The following CD14 variants were observed in gnomAD, a reference collection of about 807,000 sequenced individuals.
CD14 encodes the protein CD14 molecule, also known as monocyte differentiation antigen CD14.
In CD14, 4 loss-of-function variants were observed where a neutral mutation model predicts 2.5. The ratio of observed to expected loss-of-function variants is 1.63; its 90% CI spans 0.80 to 3.72. The LOEUF (loss-of-function observed/expected upper bound fraction) is 3.72, where lower values mean the gene tolerates loss of function less well. Among genes scored for constraint, CD14 ranks in the 30% most tolerant of loss-of-function variants. The probability of loss-of-function intolerance (pLI) is 0.01; values close to 1 mark genes in which losing one functional copy is unlikely to be tolerated. For synonymous variants in CD14, 236 were observed against 235.1 expected (o/e 1.00, Z -0.04); for missense variants, 478 against 497.8 (o/e 0.96, Z 0.38).
Position 140,632,743 on chromosome 5 carries a change from G to GC in CD14, c.240dup (p.Gln81AlafsTer4). The GC allele has an allele frequency of 6.2e-7, 1 of 1,613,434 alleles. No homozygotes were observed. The highest frequency in any genetic ancestry group is 8.5e-7 in the Non-Finnish European group (1 of 1,179,980). ...AGAGCCTTGACCGTGTCAGCATACT[G>GC]CCGCGGGTCGGCGTCCGCATCGACG... On this transcript the variant is annotated frameshift_variant, in exon 2 of 2. Coordinates refer to ENST00000302014, the MANE Select transcript of CD14 (RefSeq NM_000591.4). LOFTEE classifies it low-confidence loss of function (END_TRUNC). This position sits in a 1 kb window ranked among gnomAD's most constrained non-coding sequence, Gnocchi z 6.2.
rs369368058 is a variant in CD14 at position 140,632,036 on chromosome 5, G to C, written c.948C>G (p.Asp316Glu). 65 of 1,614,064 alleles carry C rather than the reference G, an allele frequency of 4.0e-5. No individual in the cohort carries two copies. Among genetic ancestry groups the C allele is most frequent in the Non-Finnish European group, 5.3e-5 (63 of 1,180,028 alleles). The part of the protein sequence containing the change: ...CNRLNRAPQP[D>E]ELPEVDNLTL... ...TCAGGTTATCCACCTCGGGCAGCTC[G>C]TCAGGCTGCGGCGCCCTGTTCAGTC... The change falls in exon 2 of 2, where the codon GAC becomes GAG. Residue 316 changes from aspartate (D) to glutamate (E), a missense_variant. Asp to Glu is a conservative substitution (Grantham distance 45). Transcript: ENST00000302014. The surrounding 1 kb of genome is among the most constrained non-coding windows in gnomAD (Gnocchi z 6.2).
In CD14 at chr5:140,631,943, G is replaced by C. The variant is rs769997721; in HGVS notation, c.1041C>G (p.Gly347=). Residue 347 remains glycine, a synonymous_variant, in exon 2 of 2, where the codon GGC becomes GGG. Transcript: ENST00000302014. ...TCGAACGTGCACAGGCTGGGACCACGCCGGAGTTCATTGAGCCCTCGTGGG... is the reference window on the plus strand; with the variant it reads ...TCGAACGTGCACAGGCTGGGACCACCCCGGAGTTCATTGAGCCCTCGTGGG... ...ALPHEGSMNS[G]VVPACARSTL... The C allele has an allele frequency of 6.2e-7, 1 of 1,612,954 alleles. No homozygotes were observed. Among genetic ancestry groups the C allele is most frequent in the Non-Finnish European group, 8.5e-7 (1 of 1,179,100 alleles).
chr5:140,633,514 C>T (rs1314258554), upstream of CD14: 12 of 247,190 alleles, frequency 4.9e-5, no homozygotes, highest in East Asian at 1.8e-4. Context: ...CACTATCCAA[C>T]CCCCCAATCC....
At position 140,633,061 on chromosome 5, in the gene CD14, A is replaced by T; in HGVS notation, c.3+8T>A. 1 of 1,614,030 alleles carries T rather than the reference A, an allele frequency of 6.2e-7. No homozygotes were observed. Among genetic ancestry groups the T allele is most frequent in the South Asian group, 1.1e-5 (1 of 91,066 alleles). ...GGCACGCGTTCGACCCCAAGACCCT[A>T]CACTCACCATGGTCGATAAGTCTTC... On this transcript the variant is annotated splice_region_variant and intron_variant, in intron 1 of 1. Transcript: ENST00000302014.
In CD14 at chr5:140,633,173, T is replaced by G. The variant is rs963126883; in HGVS notation, c.-102A>C. 3.4e-6 allele frequency: 5 copies of G among 1,463,610 alleles called. No individual in the cohort carries two copies. The highest frequency in any genetic ancestry group is 4.7e-6 in the Non-Finnish European group (5 of 1,059,680). 90.7% of individuals were successfully genotyped at this position (1,463,610 alleles called of 1,614,324 possible). On this transcript the variant is annotated 5_prime_UTR_variant, in exon 1 of 2. Transcript: ENST00000302014. The stretch of plus-strand genomic sequence containing the variant: ...CCCGCCGGCTTCCAGGCTTCACACT[T>G]GTGAACTCTTCGGCTGCCTCTGACA...
rs1756585011 is a variant in CD14 at position 140,631,891 on chromosome 5, G to C, written c.1093C>G (p.Leu365Val). 6.3e-7 allele frequency: 1 copy of C among 1,588,240 alleles called. No individual in the cohort carries two copies. The highest frequency in any genetic ancestry group is 1.7e-4 in the Middle Eastern group (1 of 5,936). Residue 365 changes from leucine to valine, a missense_variant, in exon 2 of 2, where the codon CTG (leucine) becomes GTG (valine). Transcript: ENST00000302014. ...STLSVGVSGTLVLLQGARGFA is the reference protein window; with the variant it reads ...STLSVGVSGTVVLLQGARGFA The stretch of plus-strand genomic sequence containing the variant: ...CCCCGGGCCCCTTGGAGCAGCACCA[G>C]GGTTCCCGACACCCCCACCGACAGG...
In CD14 at chr5:140,632,776, G is replaced by T; in HGVS notation, c.208C>A (p.Leu70Ile). 1 of 1,613,496 alleles carries T rather than the reference G, an allele frequency of 6.2e-7. No homozygotes were observed. Among genetic ancestry groups the T allele is most frequent in the Non-Finnish European group, 8.5e-7 (1 of 1,180,010 alleles). Residue 70 changes from leucine (L) to isoleucine (I), a missense_variant, in exon 2 of 2, where the codon CTA becomes ATA. Leu to Ile is a conservative substitution (Grantham distance 5, BLOSUM62 2). Coordinates refer to ENST00000302014, the MANE Select transcript of CD14 (RefSeq NM_000591.4). The surrounding 1 kb of genome is among the most constrained non-coding windows in gnomAD (Gnocchi z 6.2). ...HAGGLNLEPF[L>I]KRVDADADPR... ...TCGGCGTCCGCATCGACGCGCTTTA[G>T]AAACGGCTCTAGGTTGAGACCGCCG...
chr5:140,633,426 G>C (rs1168301156), upstream of CD14: 2 of 457,854 alleles, frequency 4.4e-6, no homozygotes, highest in Non-Finnish European at 8.1e-6. Context: ...ATGCCCTGTT[G>C]ACTCGGGAGC....
rs1756656175 is a variant in CD14 at position 140,632,932 on chromosome 5, A to C, written c.52T>G (p.Ser18Ala). 1.9e-6 allele frequency: 3 copies of C among 1,614,036 alleles called. No homozygotes were observed. The highest frequency in any genetic ancestry group is 1.3e-5 in the African/African-American group (1 of 74,914). ...TCACAAGGTTCTGGCGTGGTCGCAG[A>C]GACGTGCACCAGCGGCAGCAGCAGC... ...LLLLLPLVHV[S>A]ATTPEPCELD... is the part of the protein sequence containing the mutation. Residue 18 changes from serine to alanine, a missense_variant, in exon 2 of 2, where the codon TCT becomes GCT. Coordinates refer to ENST00000302014, the MANE Select transcript of CD14 (RefSeq NM_000591.4). This position sits in a 1 kb window ranked among gnomAD's most constrained non-coding sequence, Gnocchi z 6.2.
rs761342843 is a variant in CD14, at chr5:140,632,179, C to A, written c.805G>T (p.Ala269Ser). ...GCGCTGGACCACATGCATCTCGGAG[C>A]GCTAGGGTTTACGGTGGCGCGCAGC... ...NSLRATVNPS[A>S]PRCMWSSALN... The change falls in exon 2 of 2, where the codon GCT (alanine) becomes TCT (serine). Residue 269 changes from alanine (A) to serine (S), a missense_variant. Coordinates refer to ENST00000302014, the MANE Select transcript of CD14 (RefSeq NM_000591.4). This position sits in a 1 kb window ranked among gnomAD's most constrained non-coding sequence, Gnocchi z 6.2. 8 of 1,613,794 alleles carry A rather than the reference C, an allele frequency of 5.0e-6. No individual in the cohort carries two copies. In the Admixed American group the frequency reaches 1.3e-4, roughly 27 times the overall value.
At position 140,631,956 on chromosome 5, in the gene CD14, G is replaced by A. The variant is rs775020729; in HGVS notation, c.1028C>T (p.Ser343Leu). The A allele has an allele frequency of 5.6e-6, 9 of 1,613,278 alleles. No homozygotes were observed. In the East Asian group the frequency reaches 1.1e-4, roughly 20 times the overall value. Residue 343 changes from serine to leucine, a missense_variant, in exon 2 of 2, where the codon TCA becomes TTA. Transcript: ENST00000302014. ...VPGTALPHEG[S>L]MNSGVVPACA... ...GGCTGGGACCACGCCGGAGTTCATT[G>A]AGCCCTCGTGGGGGAGGGCAGTTCC...
Position 140,632,831 on chromosome 5 carries a change from A to C in CD14, c.153T>G (p.Cys51Trp). The C allele has an allele frequency of 1.2e-6, 2 of 1,614,036 alleles. No homozygotes were observed. The highest frequency in any genetic ancestry group is 1.7e-6 in the Non-Finnish European group (2 of 1,180,022). The change falls in exon 2 of 2, where the codon TGT (cysteine) becomes TGG (tryptophan). Residue 51 changes from cysteine to tryptophan, a missense_variant. By Grantham distance (215) the Cys-to-Trp change is radical. Transcript: ENST00000302014. This position sits in a 1 kb window ranked among gnomAD's most constrained non-coding sequence, Gnocchi z 6.2. ...GGATCTCCACCTCTACTGCAGACAC[A>C]CACTGGAAGGCTTCGGACCAGTCGG... Reference protein sequence around the residue: ...PQPDWSEAFQCVSAVEVEIHA... With the variant: ...PQPDWSEAFQWVSAVEVEIHA...
chr5:140,633,040 C>T, intron 1 of CD14, 29 bp downstream of exon 1: 1 of 1,613,596 alleles, frequency 6.2e-7, no homozygotes, highest in Non-Finnish European at 8.5e-7. Context: ...CCGAGTGGCA[C>T]GCGTTCGACC....
Position 140,632,480 on chromosome 5 carries a change from GAGCCACTGCTGC to G in CD14, c.492_503del (p.Gln165_Leu168del), listed in dbSNP as rs772837869. The G allele has an allele frequency of 1.2e-5, 19 of 1,614,028 alleles. No individual in the cohort carries two copies. Among genetic ancestry groups the G allele is most frequent in the Non-Finnish European group, 1.4e-5 (17 of 1,180,046 alleles). Reference sequence around the variant, plus strand: ...TGCTCAGTACCTTGAGGCCTGGCTTGAGCCACTGCTGCAGCTCGGCGAGCCAAGAACGCCCTG... The same window carrying G: ...TGCTCAGTACCTTGAGGCCTGGCTTGAGCTCGGCGAGCCAAGAACGCCCTG... On this transcript the variant is annotated inframe_deletion, in exon 2 of 2. Transcript: ENST00000302014. This position sits in a 1 kb window ranked among gnomAD's most constrained non-coding sequence, Gnocchi z 6.2.
Position 140,632,390 on chromosome 5 carries a change from G to A in CD14, c.594C>T (p.Ser198=), listed in dbSNP as rs775212487. The A allele has an allele frequency of 4.3e-6, 7 of 1,614,162 alleles. No homozygotes were observed. Among genetic ancestry groups the A allele is most frequent in the South Asian group, 1.1e-5 (1 of 91,092 alleles). ...GTCCAGGATTGTCAGACAGGTCTAG[G>A]CTGGTAAGGGCCGGGAAGGCGCGAA... ...EQVRAFPALT[S]LDLSDNPGLG... Residue 198 remains serine (S), a synonymous_variant, in exon 2 of 2, where the codon AGC becomes AGT. Transcript: ENST00000302014. This position sits in a 1 kb window ranked among gnomAD's most constrained non-coding sequence, Gnocchi z 6.2.
chr5:140,632,767 C>T lies in CD14; in HGVS notation c.217G>A (p.Val73Ile), dbSNP rs752382765. The change falls in exon 2 of 2, where the codon GTC (valine) becomes ATC (isoleucine). Residue 73 changes from valine to isoleucine, a missense_variant. Coordinates refer to ENST00000302014, the MANE Select transcript of CD14 (RefSeq NM_000591.4). This position sits in a 1 kb window ranked among gnomAD's most constrained non-coding sequence, Gnocchi z 6.2. The stretch of plus-strand genomic sequence containing the variant: ...TGCCGCGGGTCGGCGTCCGCATCGA[C>T]GCGCTTTAGAAACGGCTCTAGGTTG... ...GLNLEPFLKRVDADADPRQYA... is the reference protein window; with the variant it reads ...GLNLEPFLKRIDADADPRQYA... 3 of 1,613,344 alleles carry T rather than the reference C, an allele frequency of 1.9e-6. No individual in the cohort carries two copies. The highest frequency in any genetic ancestry group is 2.5e-6 in the Non-Finnish European group (3 of 1,179,992).
Position 140,632,501 on chromosome 5 carries a change from G to T in CD14, c.483C>A (p.Leu161=). ...GCTTGAGCCACTGCTGCAGCTCGGCGAGCCAAGAACGCCCTGTCGCCCACG... is the reference window on the plus strand; with the variant it reads ...GCTTGAGCCACTGCTGCAGCTCGGCTAGCCAAGAACGCCCTGTCGCCCACG... The part of the protein sequence containing the change: ...NVSWATGRSW[L]AELQQWLKPG... The change falls in exon 2 of 2, where the codon CTC becomes CTA. Residue 161 remains leucine, a synonymous_variant. Transcript: ENST00000302014. This position sits in a 1 kb window ranked among gnomAD's most constrained non-coding sequence, Gnocchi z 6.2. 1 of 1,614,152 alleles carries T rather than the reference G, an allele frequency of 6.2e-7. No homozygotes were observed. The highest frequency in any genetic ancestry group is 1.1e-5 in the South Asian group (1 of 91,086).
In CD14 at chr5:140,632,342, C is replaced by T. The variant is rs1756612457; in HGVS notation, c.642G>A (p.Ala214=). 6.2e-7 allele frequency: 1 copy of T among 1,613,958 alleles called. No homozygotes were observed. Among genetic ancestry groups the T allele is most frequent in the Non-Finnish European group, 8.5e-7 (1 of 1,180,048 alleles). ...CCGGGAACTTGTGGGGACAGAGAGC[C>T]GCCATCAGTCCGCGTTCGCCCAGTC... The part of the protein sequence containing the change: ...NPGLGERGLM[A]ALCPHKFPAI... The change falls in exon 2 of 2, where the codon GCG becomes GCA. Residue 214 remains alanine (A), a synonymous_variant. Coordinates refer to ENST00000302014, the MANE Select transcript of CD14 (RefSeq NM_000591.4). The surrounding 1 kb of genome is among the most constrained non-coding windows in gnomAD (Gnocchi z 6.2).
In CD14 at chr5:140,632,946, G is replaced by C; in HGVS notation, c.38C>G (p.Pro13Arg). 6.2e-7 allele frequency: 1 copy of C among 1,614,008 alleles called. No homozygotes were observed. Among genetic ancestry groups the C allele is most frequent in the Non-Finnish European group, 8.5e-7 (1 of 1,179,990 alleles). ...RASCLLLLLL[P>R]LVHVSATTPE... ...CGTGGTCGCAGAGACGTGCACCAGC[G>C]GCAGCAGCAGCAGCAACAAGCAGGA... The change falls in exon 2 of 2, where the codon CCG (proline) becomes CGG (arginine). Residue 13 changes from proline (P) to arginine (R), a missense_variant. Transcript: ENST00000302014. The surrounding 1 kb of genome is among the most constrained non-coding windows in gnomAD (Gnocchi z 6.2).
Sources: gnomAD v4.1 joint callset for allele counts on GRCh38, gnomAD v4.1.1 for gene constraint, Gnocchi (gnomAD v3.1) non-coding constraint, MANE v1.5 for transcripts, NCBI Gene and HGNC (gene_info 2026-07-23, HGNC 2026-07-21) for gene names.